MAP3K19: variants seen among roughly 807,000 people sequenced by gnomAD.
MAP3K19 encodes SPS1/STE20-related protein kinase YSK4.
In MAP3K19, 91 loss-of-function variants were observed where a neutral mutation model predicts 114.4. The ratio of observed to expected loss-of-function variants is 0.80; its 90% CI spans 0.67 to 0.95. The LOEUF is 0.95. Ranked by LOEUF, MAP3K19 falls within the 40% of genes least tolerant of loss-of-function variation. The probability of loss-of-function intolerance (pLI) is 0.00; values close to 1 mark genes in which losing one functional copy is unlikely to be tolerated. For synonymous variants in MAP3K19, 518 were observed against 530.5 expected (o/e 0.98, Z 0.32); for missense variants, 1,471 against 1,573.2 (o/e 0.94, Z 1.10).
intron 5 of MAP3K19, among the ~76,000 whole-genome samples, chr2:135,021,068 T>C (rs914776714): frequency 2.6e-5 from 4 of 152,134 alleles, no homozygotes; most frequent in African/African-American, 9.7e-5. Context: ...CAATATTCTG[T>C]GGTACTGGAG....
At chr2:135,041,897 T>C (rs1003695198) in intron 1 of MAP3K19, among the ~76,000 whole-genome samples, 2 of 152,152 alleles carry the variant, frequency 1.3e-5, no homozygotes, top group African/African-American at 2.4e-5. Flanking sequence ...CCTTCAGAAT[T>C]CATGGGCCAG....
intron 5 of MAP3K19, among the ~76,000 whole-genome samples, chr2:135,013,801 A>G (rs1157782161): frequency 6.6e-6 from 1 of 151,140 alleles, no homozygotes; most frequent in African/African-American, 2.4e-5. Context: ...TTTGTTTTCT[A>G]GAGTTGCTAA....
At position 134,987,587 on chromosome 2, in the gene MAP3K19, C is replaced by T. The variant is rs1685238053; in HGVS notation, c.1285G>A (p.Glu429Lys). ...RVSLHKNEAM[E>K]PNNILEECTV... ...CACTCTTCTAAAATATTGTTTGGTT[C>T]CATTGCTTCATTTTTATGTAATGAA... The change falls in exon 10 of 13, where the codon GAA becomes AAA. Residue 429 changes from glutamate to lysine, a missense_variant. Transcript: ENST00000392915. 4 of 1,614,034 alleles carry T rather than the reference C, an allele frequency of 2.5e-6. No individual in the cohort carries two copies. Among genetic ancestry groups the T allele is most frequent in the Non-Finnish European group, 3.4e-6 (4 of 1,179,974 alleles).
intron 11 of MAP3K19, chr2:134,983,245 T>A: frequency 3.7e-6 from 2 of 534,792 alleles, no homozygotes. Context: ...ACATCTTTTG[T>A]TTTTGCCATC....
chr2:135,003,837 A>C (rs1281796325), intron 6 of MAP3K19, among the ~76,000 whole-genome samples: 1 of 152,232 alleles, frequency 6.6e-6, no homozygotes, highest in African/African-American at 2.4e-5. Flanking sequence ...TACAGGCGTG[A>C]GCCACAGTGC....
intron 11 of MAP3K19, among the ~76,000 whole-genome samples, chr2:134,982,309 C>T (rs1256194818): frequency 6.1e-5 from 9 of 146,658 alleles, no homozygotes; most frequent in Non-Finnish European, 7.5e-5. Flanking sequence ...TTTGTGGAGA[C>T]GAGGTCTCTC....
At chr2:135,038,657 G>GACC (rs1688582327) in intron 2 of MAP3K19, among the ~76,000 whole-genome samples, 1 of 151,940 alleles carries the variant, frequency 6.6e-6, no homozygotes, top group Admixed American at 6.6e-5. Flanking sequence ...AGGAGCTTGG[G>GACC]ACCAGCCTGG....
intron 5 of MAP3K19, among the ~76,000 whole-genome samples, chr2:135,015,629 T>C (rs1310869940): frequency 6.6e-6 from 1 of 152,182 alleles, no homozygotes; most frequent in Non-Finnish European, 1.5e-5. Flanking sequence ...GCACAGTGGC[T>C]CATGCCTGTA....
chr2:135,033,821 G>A (rs1222691264), intron 2 of MAP3K19, among the ~76,000 whole-genome samples: 1 of 34 alleles, frequency 0.029, no homozygotes, highest in Non-Finnish European at 0.056. Flanking sequence ...TGGCCGGGCG[G>A]GGGGGCTGAC....
intron 2 of MAP3K19, among the ~76,000 whole-genome samples, chr2:135,034,134 C>T (rs1284760558): frequency 2.6e-5 from 2 of 78,136 alleles, no homozygotes; most frequent in Non-Finnish European, 4.3e-5. Context: ...CAGACGGGGC[C>T]GCGGGGCAGA....
chr2:134,986,668 T>C lies in MAP3K19; in HGVS notation c.2204A>G (p.Glu735Gly). Residue 735 changes from glutamate (E) to glycine (G), a missense_variant, in exon 10 of 13, where the codon GAG becomes GGG. Coordinates refer to ENST00000392915, the MANE Select transcript of MAP3K19 (RefSeq NM_025052.5). ...TTCTTTAGAAATTAAGACTTTGTGC[T>C]CTTGTTTAATGCCAAATGAAGTCTT... ...CPKTSFGIKQEHKVLISKEKS... is the reference protein window; with the variant it reads ...CPKTSFGIKQGHKVLISKEKS... The C allele has an allele frequency of 6.2e-7, 1 of 1,614,210 alleles. No individual in the cohort carries two copies. Among genetic ancestry groups the C allele is most frequent in the Non-Finnish European group, 8.5e-7 (1 of 1,180,040 alleles).
chr2:135,014,609 A>G (rs150694264), intron 5 of MAP3K19, among the ~76,000 whole-genome samples: 2 of 152,312 alleles, frequency 1.3e-5, no homozygotes, highest in East Asian at 3.9e-4. Context: ...TTCACTTACC[A>G]TATGTGTATA....
chr2:135,023,398 G>T, intron 4 of MAP3K19: 1 of 527,378 alleles, frequency 1.9e-6, no homozygotes, highest in South Asian at 1.4e-5. Flanking sequence ...GTCCCTCAAT[G>T]ACCTCACCCA....
chr2:135,026,798 G>A (rs150290077), intron 3 of MAP3K19, among the ~76,000 whole-genome samples: 316 of 152,098 alleles, frequency 2.1e-3, no homozygotes, highest in Admixed American at 4.4e-3. Context: ...GTAGAGAGCT[G>A]GATACTCAAG....
chr2:135,017,438 C>G (rs1364322454), intron 5 of MAP3K19, among the ~76,000 whole-genome samples: 1 of 152,166 alleles, frequency 6.6e-6, no homozygotes, highest in East Asian at 1.9e-4. Context: ...AGGTTGAGAC[C>G]TGATTCCCAT....
chr2:135,001,431 G>A (rs1686437984), intron 6 of MAP3K19, among the ~76,000 whole-genome samples: 1 of 152,214 alleles, frequency 6.6e-6, no homozygotes, highest in Non-Finnish European at 1.5e-5. Context: ...TGGAATTATT[G>A]AGCTGGAAGG....
At chr2:134,984,126 G>A (rs1171879596) in intron 10 of MAP3K19, among the ~76,000 whole-genome samples, 2 of 152,148 alleles carry the variant, frequency 1.3e-5, no homozygotes, top group East Asian at 3.9e-4. Flanking sequence ...ACTGTCTTTT[G>A]AGAATTATCT....
chr2:134,983,971 A>T, intron 10 of MAP3K19, 146 bp from the exon 11 acceptor site: 2 of 555,888 alleles, frequency 3.6e-6, no homozygotes, highest in Non-Finnish European at 6.3e-6. Context: ...CATTCCCCCA[A>T]ATGACCACAT....
intron 5 of MAP3K19, among the ~76,000 whole-genome samples, chr2:135,012,205 T>G (rs1426399388): frequency 6.6e-6 from 1 of 152,092 alleles, no homozygotes; most frequent in African/African-American, 2.4e-5. Context: ...GTCGTGTGTC[T>G]GATAGGATGT....
Sources: allele counts gnomAD v4.1 joint callset (sites outside exome capture counted in the v4.1 genomes callset), GRCh38; gene constraint gnomAD v4.1.1; transcripts MANE v1.5; gene names NCBI Gene and HGNC (gene_info 2026-07-23, HGNC 2026-07-21).